The following PCDHA9 variants were observed in gnomAD, a reference collection of about 807,000 sequenced individuals.
The protein encoded by PCDHA9 is protocadherin alpha 9, also known as protocadherin alpha-9.
A neutral mutation model predicts 62.0 loss-of-function variants in PCDHA9; 62 were observed. That is an observed-to-expected ratio of 1.00 (90% confidence interval 0.81 to 1.23). The LOEUF (loss-of-function observed/expected upper bound fraction) is 1.23. PCDHA9 is among the 50% of genes most tolerant of loss of function. The pLI is 0.00. For missense variants in PCDHA9, 1,205 were observed against 1,249.8 expected (o/e 0.96, Z 0.54); for synonymous variants, 557 against 567.6 (o/e 0.98, Z 0.27).
intron 3 of PCDHA9, among the ~76,000 whole-genome samples, chr5:140,985,392 C>T (rs1329580146): frequency 6.6e-6 from 1 of 152,172 alleles, no homozygotes; most frequent in Non-Finnish European, 1.5e-5. Context: ...CCAGTCACCC[C>T]AACTGTTCCC....
In PCDHA9 at chr5:140,976,792, T is replaced by C. The variant is rs982135806; in HGVS notation, c.2395-2157T>C. 2.1e-4 allele frequency among the ~76,000 whole-genome samples: 32 copies of C among 152,216 alleles called. 1 individual carries two copies. The highest frequency in any genetic ancestry group is 1.0e-3 in the Admixed American group (16 of 15,274). ...AGACTCTGACTATATAGCTACGCTT[T>C]TATGAATATCTGAAGATATGCATGT... On this transcript the variant is annotated intron_variant, in intron 1 of 3. Coordinates refer to ENST00000532602, the MANE Select transcript of PCDHA9 (RefSeq NM_031857.2).
At chr5:140,923,877 C>T (rs555626217) in intron 1 of PCDHA9, among the ~76,000 whole-genome samples, 5 of 152,284 alleles carry the variant, frequency 3.3e-5, no homozygotes, top group East Asian at 1.9e-4. Flanking sequence ...ATCTGAGAAG[C>T]GTGTGAAAGA....
At chr5:140,978,405 A>G (rs919688095) in intron 1 of PCDHA9, among the ~76,000 whole-genome samples, 1 of 152,220 alleles carries the variant, frequency 6.6e-6, no homozygotes, top group Non-Finnish European at 1.5e-5. Context: ...TCCCTCTTCA[A>G]TCAGAAAAGA....
chr5:140,927,011 C>T, intron 1 of PCDHA9: 1 of 1,612,606 alleles, frequency 6.2e-7, no homozygotes, highest in Non-Finnish European at 8.5e-7. Context: ...GGCAATCTCT[C>T]CGCGGACTTG....
In PCDHA9 at chr5:140,855,913, A is replaced by G. The variant is rs560286204; in HGVS notation, c.2394+5024A>G. 287 of 1,174,758 alleles carry G rather than the reference A, an allele frequency of 2.4e-4. 22 individuals carry two copies. Among genetic ancestry groups the G allele is most frequent in the Admixed American group, 2.2e-3 (83 of 38,140 alleles). 72.8% of individuals were successfully genotyped at this position (1,174,758 alleles called of 1,614,324 possible). ...AAAGGCATCAGCCAGTTTCTCAAGG[A>G]CTAGGAAGTAGCGTCATTCTGAGAT... On this transcript the variant is annotated intron_variant, in intron 1 of 3. Transcript: ENST00000532602.
Position 140,856,821 on chromosome 5 carries a change from C to G in PCDHA9, c.2394+5932C>G, listed in dbSNP as rs1554149155. ...ATGTATGAAAATCAAGTGAACCAAA[C>G]ATTAGTAATACGGCTCAACGCTTCT... is the stretch of plus-strand genomic sequence containing the variant. On this transcript the variant is annotated intron_variant, in intron 1 of 3. Transcript: ENST00000532602. 2.5e-6 allele frequency: 4 copies of G among 1,592,396 alleles called. 1 individual carries two copies. The South Asian group carries it at 4.4e-5, about 18-fold the overall frequency.
intron 1 of PCDHA9, chr5:140,856,458 A>C: frequency 9.4e-6 from 15 of 1,598,416 alleles, no homozygotes; most frequent in Non-Finnish European, 1.3e-5. Flanking sequence ...GTAACAGAAC[A>C]AAAGCTCTCA....
intron 1 of PCDHA9, chr5:140,852,854 AT>A: frequency 1.0e-6 from 1 of 963,700 alleles, no homozygotes; most frequent in Non-Finnish European, 1.3e-6. Context: ...CTTACTAAGC[AT>A]TTACTATGTC....
At chr5:140,927,258 T>C in intron 1 of PCDHA9, 1 of 1,613,878 alleles carries the variant, frequency 6.2e-7, no homozygotes, top group Non-Finnish European at 8.5e-7. Context: ...ACAACTCACC[T>C]CTCTTTCCTG....
chr5:140,857,745 C>G, intron 1 of PCDHA9: 1 of 1,597,310 alleles, frequency 6.3e-7, no homozygotes, highest in Non-Finnish European at 8.6e-7. Context: ...GCGCTGCTGG[C>G]GTCTCCCGCT....
At chr5:140,858,130 C>T in intron 1 of PCDHA9, 1 of 1,597,774 alleles carries the variant, frequency 6.3e-7, no homozygotes, top group Non-Finnish European at 8.6e-7. Flanking sequence ...TGGTGGATGT[C>T]AACGTGTACC....
At chr5:140,863,397 C>T in intron 1 of PCDHA9, 1 of 873,170 alleles carries the variant, frequency 1.1e-6, no homozygotes, top group Admixed American at 1.9e-5. Flanking sequence ...GCATGCCGGG[C>T]AAGCCCACGC....
intron 2 of PCDHA9, among the ~76,000 whole-genome samples, chr5:140,981,835 T>C (rs991736759): frequency 6.6e-6 from 1 of 152,162 alleles, no homozygotes; most frequent in Non-Finnish European, 1.5e-5. Context: ...TCTAAAGGTC[T>C]CCCAGTTTGT....
rs2150480754 is a variant in PCDHA9 at position 140,850,351 on chromosome 5, G to A, written c.1856G>A (p.Ser619Asn). Reference sequence around the variant, plus strand: ...CTGCAGCCAGAAACGGCCAGCGCGAGCATCCCGTTCCGCGTGGGGCTGTAC... The same window carrying A: ...CTGCAGCCAGAAACGGCCAGCGCGAACATCCCGTTCCGCGTGGGGCTGTAC... ...YELQPETASA[S>N]IPFRVGLYTG... The change falls in exon 1 of 4, where the codon AGC (serine) becomes AAC (asparagine). Residue 619 changes from serine to asparagine, a missense_variant. By Grantham distance (46) the Ser-to-Asn change is conservative. Transcript: ENST00000532602. 1 of 1,597,916 alleles carries A rather than the reference G, an allele frequency of 6.3e-7. No individual in the cohort carries two copies. Among genetic ancestry groups the A allele is most frequent in the Non-Finnish European group, 8.6e-7 (1 of 1,167,754 alleles).
At chr5:140,991,298 ATTATC>A (rs1361844877) in intron 3 of PCDHA9, among the ~76,000 whole-genome samples, 1 of 152,170 alleles carries the variant, frequency 6.6e-6, no homozygotes, top group African/African-American at 2.4e-5. Flanking sequence ...ACACATTACT[ATTATC>A]TTGTCCCGCA....
chr5:140,867,634 A>G (rs2050082134), intron 1 of PCDHA9: 1 of 152,166 alleles, frequency 6.6e-6, no homozygotes, highest in Admixed American at 6.5e-5. Flanking sequence ...TATTTAAGCT[A>G]GAGTGATATT....
intron 3 of PCDHA9, among the ~76,000 whole-genome samples, chr5:141,003,283 G>A (rs1331116001): frequency 3.3e-5 from 5 of 152,188 alleles, no homozygotes; most frequent in African/African-American, 1.2e-4. Flanking sequence ...GCCCAAATTG[G>A]ATTATAGGAT....
At chr5:140,956,958 A>C (rs970237928) in intron 1 of PCDHA9, among the ~76,000 whole-genome samples, 4 of 134,798 alleles carry the variant, frequency 3.0e-5, no homozygotes, top group Non-Finnish European at 6.6e-5. Context: ...AAACACTGTA[A>C]TTAATCAGTC....
chr5:141,007,174 G>T (rs926344346), intron 3 of PCDHA9, among the ~76,000 whole-genome samples: 9 of 152,118 alleles, frequency 5.9e-5, no homozygotes, highest in African/African-American at 2.2e-4. Context: ...AGAGAGAAAG[G>T]TCAGGAGAAT....
Sources: allele counts gnomAD v4.1 joint callset (sites outside exome capture counted in the v4.1 genomes callset), GRCh38; gene constraint gnomAD v4.1.1; transcripts MANE v1.5; gene names NCBI Gene and HGNC (gene_info 2026-07-23, HGNC 2026-07-21).